CCDC141: variants seen among roughly 807,000 people sequenced by gnomAD.
The protein encoded by CCDC141 is coiled-coil domain-containing protein 141.
In CCDC141, 168 loss-of-function variants were observed where a neutral mutation model predicts 181.0. The observed-to-expected ratio is 0.93, with a 90% CI of 0.82 to 1.05. The LOEUF is 1.05. Among genes scored for constraint, CCDC141 ranks in the 50% least tolerant of loss-of-function variants. The probability of loss-of-function intolerance (pLI) is 0.00; values close to 1 mark genes in which losing one functional copy is unlikely to be tolerated. For missense variants in CCDC141, 1,902 were observed against 1,788.5 expected (o/e 1.06, Z -1.14); for synonymous variants, 666 against 642.3 (o/e 1.04, Z -0.56).
At chr2:178,822,096 T>C in the CCDC141 span, among the ~76,000 whole-genome samples, 1 of 152,114 alleles carries the variant, frequency 6.6e-6, no homozygotes, top group Non-Finnish European at 1.5e-5. Flanking sequence ...GATGAGTTCA[T>C]GTCCTTTGTA....
Position 179,015,112 on chromosome 2 carries a change from TATAATC to T in CCDC141, c.225+32166_225+32171del, listed in dbSNP as rs1559048840. On this transcript the variant is annotated intron_variant, in intron 2 of 23. Transcript: ENST00000443758. ...TATATATATATATATATAATATATA[TATAATC>T]ATATATATATATCATATCATATATA... is the stretch of plus-strand genomic sequence containing the variant. 8.2e-4 allele frequency among the ~76,000 whole-genome samples: 23 copies of T among 28,150 alleles called. 1 individual carries two copies. Among genetic ancestry groups the T allele is most frequent in the Non-Finnish European group, 2.2e-3 (17 of 7,580 alleles). 18.5% of individuals were successfully genotyped at this position (28,150 alleles called of 152,430 possible).
intron 5 of CCDC141, among the ~76,000 whole-genome samples, chr2:178,949,824 G>A (rs35443784): frequency 0.17 from 25,930 of 152,124 alleles, 2,318 homozygotes; most frequent in Middle Eastern, 0.22. Flanking sequence ...TGAAAGATGG[G>A]TCATGCAAGC....
At chr2:178,874,925 G>A (rs1686292534) in intron 12 of CCDC141, 1 of 152,230 alleles carries the variant, frequency 6.6e-6, no homozygotes, top group South Asian at 2.1e-4. Context: ...CTGAAAAGCA[G>A]AGTGGAGTTT....
In CCDC141 at chr2:179,042,964, T is replaced by C. The variant is rs888668746; in HGVS notation, c.225+4320A>G. 2.6e-5 allele frequency among the ~76,000 whole-genome samples: 4 copies of C among 151,950 alleles called. No homozygotes were observed. The South Asian group carries it at 8.3e-4, about 32-fold the overall frequency. The stretch of plus-strand genomic sequence containing the variant: ...TGAAGAAAAATAAAATAAAATATGA[T>C]AGGCCACTAGCAAGACTAATAAAGA... On this transcript the variant is annotated intron_variant, in intron 2 of 23. Coordinates refer to ENST00000443758, the MANE Select transcript of CCDC141 (RefSeq NM_173648.4).
intron 8 of CCDC141, among the ~76,000 whole-genome samples, chr2:178,899,890 G>A (rs1687603899): frequency 6.6e-6 from 1 of 152,076 alleles, no homozygotes; most frequent in Non-Finnish European, 1.5e-5. Flanking sequence ...ATTAGATGAG[G>A]AAAGGAAGCA....
chr2:178,865,767 C>T lies in CCDC141; in HGVS notation c.2724G>A (p.Glu908=), dbSNP rs766332876. Residue 908 remains glutamate (E), a splice_region_variant and synonymous_variant, in exon 17 of 24, where the codon GAG becomes GAA. Transcript: ENST00000443758. ...EYCAMRDEIN[E]LKDSFKDIKK... is the part of the protein sequence containing the mutation. ...CAGTTCTCACCCCTCCCACACCCACCTCATTTATCTCGTCTCTCATGGCGC... is the reference window on the plus strand; with the variant it reads ...CAGTTCTCACCCCTCCCACACCCACTTCATTTATCTCGTCTCTCATGGCGC... The T allele has an allele frequency of 3.3e-6, 5 of 1,511,052 alleles. No individual in the cohort carries two copies. In the South Asian group the frequency reaches 4.1e-5, roughly 12 times the overall value. 93.6% of individuals were successfully genotyped at this position (1,511,052 alleles called of 1,614,324 possible). A position where few individuals can be genotyped will look rare whatever the true frequency, so the allele number is the denominator to read the frequency against.
chr2:179,004,826 G>C (rs2154383810), intron 2 of CCDC141, among the ~76,000 whole-genome samples: 1 of 152,232 alleles, frequency 6.6e-6, no homozygotes, highest in African/African-American at 2.4e-5. Context: ...TGCCTCCCAG[G>C]TTCAAGCCAT....
At chr2:179,021,963 A>G (rs557065528) in intron 2 of CCDC141, among the ~76,000 whole-genome samples, 3 of 152,232 alleles carry the variant, frequency 2.0e-5, no homozygotes, top group East Asian at 3.9e-4. Context: ...AAACATTTCA[A>G]TGCATCTAAA....
chr2:178,933,133 T>C (rs2154375994), intron 6 of CCDC141, among the ~76,000 whole-genome samples: 1 of 152,314 alleles, frequency 6.6e-6, no homozygotes, highest in South Asian at 2.1e-4. Flanking sequence ...ATGGTTTTAA[T>C]CTTGAGGCTG....
At chr2:178,989,995 T>C (rs2154382264) in intron 2 of CCDC141, among the ~76,000 whole-genome samples, 1 of 151,678 alleles carries the variant, frequency 6.6e-6, no homozygotes, top group South Asian at 2.1e-4. Flanking sequence ...CAAAATTAGC[T>C]GGGCATGGTA....
intron 6 of CCDC141, among the ~76,000 whole-genome samples, chr2:178,939,756 G>A (rs1689432749): frequency 6.6e-6 from 1 of 152,072 alleles, no homozygotes; most frequent in Non-Finnish European, 1.5e-5. Context: ...TTGTGTGTGT[G>A]GTGGAGGGGG....
chr2:179,023,363 A>G (rs2042741104), intron 2 of CCDC141, among the ~76,000 whole-genome samples: 1 of 152,178 alleles, frequency 6.6e-6, no homozygotes, highest in African/African-American at 2.4e-5. Flanking sequence ...TACACAGCCA[A>G]GCAGCAACAC....
At chr2:179,011,547 C>T (rs1460374798) in intron 2 of CCDC141, among the ~76,000 whole-genome samples, 1 of 152,112 alleles carries the variant, frequency 6.6e-6, no homozygotes, top group East Asian at 1.9e-4. Flanking sequence ...CCACTGACAA[C>T]ACACACTAGA....
At chr2:178,892,673 G>A (rs972623141) in intron 8 of CCDC141, among the ~76,000 whole-genome samples, 3 of 152,140 alleles carry the variant, frequency 2.0e-5, no homozygotes, top group South Asian at 2.1e-4. Flanking sequence ...GCACCTGAAC[G>A]GCAGGTGGTC....
chr2:179,042,737 T>C (rs910863585), intron 2 of CCDC141, among the ~76,000 whole-genome samples: 2 of 152,214 alleles, frequency 1.3e-5, no homozygotes, highest in Admixed American at 6.5e-5. Flanking sequence ...GAGAAATTTA[T>C]AGCACTAAAA....
At chr2:178,867,493 G>A (rs977368652) in intron 16 of CCDC141, among the ~76,000 whole-genome samples, 5 of 152,098 alleles carry the variant, frequency 3.3e-5, no homozygotes, top group Non-Finnish European at 5.9e-5. Context: ...GAAATCTGGT[G>A]TGTATTTCAT....
rs547453751 is a variant in CCDC141 at position 178,896,177 on chromosome 2, C to T, written c.1266-7509G>A. ...GGTATTGATTCAGTTCATCTTGGCT[C>T]GAAGATGTAGACCCTTCACCCATCT... On this transcript the variant is annotated intron_variant, in intron 8 of 23. Transcript: ENST00000443758. Among the ~76,000 whole-genome samples, 4 of 152,288 alleles carry T rather than the reference C, an allele frequency of 2.6e-5. No individual in the cohort carries two copies. The South Asian group carries it at 6.2e-4, about 24-fold the overall frequency.
chr2:179,025,064 T>G (rs1031347802), intron 2 of CCDC141, among the ~76,000 whole-genome samples: 11 of 152,146 alleles, frequency 7.2e-5, no homozygotes, highest in Admixed American at 3.9e-4. Flanking sequence ...CTTCCTCTTC[T>G]CTACTGCTCC....
At chr2:178,906,528 A>G (rs1400295660) in intron 7 of CCDC141, among the ~76,000 whole-genome samples, 1 of 152,166 alleles carries the variant, frequency 6.6e-6, no homozygotes, top group Non-Finnish European at 1.5e-5. Flanking sequence ...CTTTAGCACT[A>G]CTGAAAGAAG....
Sources: gnomAD v4.1 joint callset for allele counts (sites outside exome capture counted in the v4.1 genomes callset) on GRCh38, gnomAD v4.1.1 for gene constraint, MANE v1.5 for transcripts, NCBI Gene and HGNC (gene_info 2026-07-23, HGNC 2026-07-21) for gene names.